Variants in LEPROTL1 observed in about 807,000 individuals in gnomAD.
LEPROTL1 encodes the protein leptin receptor overlapping transcript-like 1.
A neutral mutation model predicts 15.4 loss-of-function variants in LEPROTL1; 6 were observed. That is an observed-to-expected ratio of 0.39 (90% CI 0.21 to 0.77). The LOEUF (loss-of-function observed/expected upper bound fraction) is 0.77. Among genes scored for constraint, LEPROTL1 ranks in the 30% least tolerant of loss-of-function variants. LEPROTL1 has a pLI of 0.41. For missense variants in LEPROTL1, 128 were observed against 158.1 expected (o/e 0.81, Z 1.02); for synonymous variants, 56 against 52.6 (o/e 1.06, Z -0.28).
chr8:30,117,061 GT>G (rs1032344105), intron 3 of LEPROTL1, among the ~76,000 whole-genome samples: 9 of 151,198 alleles, frequency 6.0e-5, no homozygotes, highest in Non-Finnish European at 8.9e-5. Context: ...GGAAAAAAAT[GT>G]TTTTTTTTCC....
chr8:30,133,352 AATG>A (rs1487015497), intron 4 of LEPROTL1, among the ~76,000 whole-genome samples: 3 of 152,216 alleles, frequency 2.0e-5, no homozygotes, highest in Non-Finnish European at 2.9e-5. Context: ...AATTTTTTGT[AATG>A]ATCATGTGTG....
At chr8:30,132,457 A>G in exon 4 of LEPROTL1, 1 of 1,551,692 alleles carries the variant, frequency 6.4e-7, no homozygotes, top group Non-Finnish European at 8.7e-7. Flanking sequence ...TGCGTGGAGG[A>G]GGGAGTCGTC....
At chr8:30,097,250 A>G (rs1367271673) in intron 1 of LEPROTL1, among the ~76,000 whole-genome samples, 1 of 152,240 alleles carries the variant, frequency 6.6e-6, no homozygotes, top group Non-Finnish European at 1.5e-5. Flanking sequence ...CCAATTTCAT[A>G]AGATTGAAGA....
chr8:30,095,937 C>T (rs1437541318), intron 1 of LEPROTL1: 3 of 690,658 alleles, frequency 4.3e-6, no homozygotes, highest in Non-Finnish European at 7.9e-6. Context: ...GAGATGCCAG[C>T]TATGGAAAAC....
At chr8:30,124,307 T>C (rs1014365765) in intron 3 of LEPROTL1, among the ~76,000 whole-genome samples, 1 of 152,134 alleles carries the variant, frequency 6.6e-6, no homozygotes, top group African/African-American at 2.4e-5. Context: ...ATCTACCCAG[T>C]AGTCTCTTGC....
intron 1 of LEPROTL1, chr8:30,095,957 C>G (rs1159782737): frequency 1.5e-6 from 1 of 688,740 alleles, no homozygotes; most frequent in Non-Finnish European, 2.6e-6. Context: ...CCAGTCATTT[C>G]CCACCGAAAG....
At chr8:30,132,536 C>G in intron 4 of LEPROTL1, 1 of 1,551,728 alleles carries the variant, frequency 6.4e-7, no homozygotes, top group Non-Finnish European at 8.7e-7. Context: ...TAGATGCACT[C>G]GAATTGCTGG....
At chr8:30,102,540 T>A (rs1239241556) in intron 2 of LEPROTL1, among the ~76,000 whole-genome samples, 1 of 151,410 alleles carries the variant, frequency 6.6e-6, no homozygotes, top group African/African-American at 2.4e-5. Flanking sequence ...TAGTCCCAGG[T>A]ACTCGGGAGG....
chr8:30,119,345 C>T (rs902587548), intron 3 of LEPROTL1, among the ~76,000 whole-genome samples: 3 of 152,160 alleles, frequency 2.0e-5, no homozygotes, highest in Non-Finnish European at 2.9e-5. Context: ...TCCCTTTCTA[C>T]GTAGACACAG....
At chr8:30,117,313 C>T (rs565494366) in intron 3 of LEPROTL1, 3 of 698,122 alleles carry the variant, frequency 4.3e-6, no homozygotes, top group Non-Finnish European at 6.8e-6. Context: ...AATAGTGAGA[C>T]CCTGTTTCTT....
At chr8:30,095,997 G>A in intron 1 of LEPROTL1, 1 of 636,516 alleles carries the variant, frequency 1.6e-6, no homozygotes, top group South Asian at 1.7e-5. Context: ...GCGCTGCACG[G>A]GTCTGCCCGA....
Position 30,106,231 on chromosome 8 carries a change from C to T in LEPROTL1, c.*369C>T. On this transcript the variant is annotated 3_prime_UTR_variant, in exon 4 of 4. Transcript: ENST00000321250. ...CATTGGTTAGGAATTCAGAATTCCGCCGGCTCTATTACTGGTCAAGTACAT... is the reference window on the plus strand; with the variant it reads ...CATTGGTTAGGAATTCAGAATTCCGTCGGCTCTATTACTGGTCAAGTACAT... 1.0e-6 allele frequency: 1 copy of T among 986,028 alleles called. No individual in the cohort carries two copies. The highest frequency in any genetic ancestry group is 1.2e-6 in the Non-Finnish European group (1 of 830,046). 61.1% of individuals were successfully genotyped at this position (986,028 alleles called of 1,614,324 possible).
intron 3 of LEPROTL1, among the ~76,000 whole-genome samples, chr8:30,131,198 C>A (rs1008436911): frequency 1.8e-4 from 27 of 151,330 alleles, no homozygotes; most frequent in African/African-American, 6.6e-4. Context: ...CTCAAGAGAT[C>A]CTTCTCAGCC....
chr8:30,131,374 C>T (rs932611276), intron 3 of LEPROTL1, among the ~76,000 whole-genome samples: 2 of 150,548 alleles, frequency 1.3e-5, no homozygotes, highest in Non-Finnish European at 2.9e-5. Context: ...AACCTGGTCT[C>T]AAACCCTGGG....
intron 3 of LEPROTL1, among the ~76,000 whole-genome samples, chr8:30,118,118 G>T (rs1466410430): frequency 3.4e-5 from 5 of 147,172 alleles, no homozygotes; most frequent in Non-Finnish European, 7.4e-5. Context: ...TCTGCCTCCT[G>T]GGTTCAAGGG....
intron 4 of LEPROTL1, among the ~76,000 whole-genome samples, chr8:30,135,817 G>C (rs1803126973): frequency 1.3e-5 from 2 of 151,974 alleles, no homozygotes; most frequent in East Asian, 3.9e-4. Flanking sequence ...AGGAGGCTGA[G>C]GTGGGAGGAT....
chr8:30,114,836 A>G (rs1378674574), intron 3 of LEPROTL1, among the ~76,000 whole-genome samples: 1 of 152,086 alleles, frequency 6.6e-6, no homozygotes, highest in East Asian at 1.9e-4. Flanking sequence ...CTTTTAGCAG[A>G]CTTGGGAACA....
rs779057882 is a variant in LEPROTL1 at position 30,104,265 on chromosome 8, G to A, written c.93-35G>A. On this transcript the variant is annotated intron_variant, in intron 2 of 3. Transcript: ENST00000321250. ...ATTTTGTGTGTAGGAAAATGACATAGCAAAAATTACATTAACTTATTTTTC... is the reference window on the plus strand; with the variant it reads ...ATTTTGTGTGTAGGAAAATGACATAACAAAAATTACATTAACTTATTTTTC... The A allele has an allele frequency of 4.0e-5, 52 of 1,312,772 alleles. No individual in the cohort carries two copies. In the African/African-American group the frequency reaches 7.2e-4, roughly 18 times the overall value. 81.3% of individuals were successfully genotyped at this position (1,312,772 alleles called of 1,614,324 possible). A position where few individuals can be genotyped will look rare whatever the true frequency, so the allele number is the denominator to read the frequency against.
At position 30,106,250 on chromosome 8, in the gene LEPROTL1, A is replaced by G; in HGVS notation, c.*388A>G. On this transcript the variant is annotated 3_prime_UTR_variant, in exon 4 of 4. Transcript: ENST00000321250. ...ATTCCGCCGGCTCTATTACTGGTCAAGTACATCTTTTCTCTTAAAATTATT... is the reference window on the plus strand; with the variant it reads ...ATTCCGCCGGCTCTATTACTGGTCAGGTACATCTTTTCTCTTAAAATTATT... 2.0e-6 allele frequency: 2 copies of G among 986,336 alleles called. No homozygotes were observed. Among genetic ancestry groups the G allele is most frequent in the Non-Finnish European group, 2.4e-6 (2 of 830,186 alleles). 61.1% of individuals were successfully genotyped at this position (986,336 alleles called of 1,614,324 possible).
Sources: gnomAD v4.1 joint callset for allele counts (sites outside exome capture counted in the v4.1 genomes callset) on GRCh38, gnomAD v4.1.1 for gene constraint, MANE v1.5 for transcripts, NCBI Gene and HGNC (gene_info 2026-07-23, HGNC 2026-07-21) for gene names.